Variants in PWP1 observed in about 807,000 individuals in gnomAD.
The protein encoded by PWP1 is PWP1 homolog, endonuclein, also known as periodic tryptophan protein 1 homolog.
Under a neutral mutation model 69.9 loss-of-function variants are expected in PWP1, and 47 were observed. That is an observed-to-expected ratio of 0.67 (90% CI 0.53 to 0.86). The LOEUF (loss-of-function observed/expected upper bound fraction) is 0.86, where lower values mean the gene tolerates loss of function less well. Ranked by LOEUF, PWP1 falls within the 40% of genes least tolerant of loss-of-function variation. The probability of loss-of-function intolerance (pLI) is 0.00; values close to 1 mark genes in which losing one functional copy is unlikely to be tolerated. For missense variants in PWP1, 551 were observed against 608.8 expected, an observed-to-expected ratio of 0.91 and a Z score of 1.00; for synonymous variants, 222 against 208.2, an observed-to-expected ratio of 1.07 and a Z score of -0.57.
intron 13 of PWP1, 138 bp from the exon 14 acceptor site, chr12:107,710,267 A>T: frequency 7.4e-7 from 1 of 1,358,836 alleles, no homozygotes; most frequent in Non-Finnish European, 9.7e-7. Context: ...CTACCTTTGC[A>T]GTAGGCTTGA....
rs143251342 is a variant in PWP1, at chr12:107,712,647, C to T, written c.*427C>T. 4.4e-4 allele frequency: 68 copies of T among 154,502 alleles called. No individual in the cohort carries two copies. The East Asian group carries it at 0.012, about 27-fold the overall frequency. 9.6% of individuals were successfully genotyped at this position (154,502 alleles called of 1,614,324 possible). A position where few individuals can be genotyped will look rare whatever the true frequency, so the allele number is the denominator to read the frequency against. On this transcript the variant is annotated 3_prime_UTR_variant, in exon 15 of 15. Coordinates refer to ENST00000412830, the MANE Select transcript of PWP1 (RefSeq NM_007062.3). ...TGAACAGAGGCAAGTGCCCCAGAGA[C>T]TCCACTTTCATTCCTAACTGTTCTC...
chr12:107,701,876 C>G (rs899935300), intron 8 of PWP1, among the ~76,000 whole-genome samples: 1 of 152,094 alleles, frequency 6.6e-6, no homozygotes, highest in Non-Finnish European at 1.5e-5. Flanking sequence ...CAGGGTTTCA[C>G]CATGTAGGCC....
intron 5 of PWP1, among the ~76,000 whole-genome samples, chr12:107,695,763 C>T (rs1039553549): frequency 1.3e-5 from 2 of 152,130 alleles, no homozygotes; most frequent in East Asian, 3.8e-4. Context: ...AATTATTTCT[C>T]TCCCATGCTA....
At chr12:107,693,956 T>G (rs1337759543) in intron 5 of PWP1, among the ~76,000 whole-genome samples, 4 of 152,238 alleles carry the variant, frequency 2.6e-5, no homozygotes, top group Non-Finnish European at 5.9e-5. Context: ...GTTTCTTTTT[T>G]GGAACCAAAA....
At chr12:107,711,223 C>T (rs548380081) in intron 14 of PWP1, among the ~76,000 whole-genome samples, 38 of 152,284 alleles carry the variant, frequency 2.5e-4, no homozygotes, top group African/African-American at 6.7e-4. Flanking sequence ...AGATCGAGAT[C>T]GCTCATGCTA....
intron 7 of PWP1, among the ~76,000 whole-genome samples, chr12:107,698,148 G>A (rs1359628241): frequency 1.3e-5 from 2 of 152,118 alleles, no homozygotes; most frequent in African/African-American, 4.8e-5. Context: ...GATCACCTGA[G>A]GTCAGGAGTT....
chr12:107,711,446 T>C (rs1299031213), intron 14 of PWP1, among the ~76,000 whole-genome samples: 1 of 152,180 alleles, frequency 6.6e-6, no homozygotes, highest in Non-Finnish European at 1.5e-5. Context: ...TGAAAGATCT[T>C]TGGGGAAAGC....
intron 11 of PWP1, among the ~76,000 whole-genome samples, chr12:107,706,077 A>G (rs995391931): frequency 2.0e-5 from 3 of 152,146 alleles, no homozygotes; most frequent in Admixed American, 2.0e-4. Flanking sequence ...CTGACTTTTT[A>G]ATGATCGCCA....
chr12:107,686,019 C>G (rs745952551), intron 1 of PWP1, 48 bp downstream of exon 1: 1 of 1,595,356 alleles, frequency 6.3e-7, no homozygotes, highest in Admixed American at 1.7e-5. Context: ...CTTTACGGCA[C>G]TGGGGGTCCG....
chr12:107,696,597 C>G lies in PWP1; in HGVS notation c.613+13C>G. ...GATGATTCTACTGGTAATTAGAAAA[C>G]TTAAGGTTGTTCAATGATTTCCAGT... On this transcript the variant is annotated intron_variant, in intron 6 of 14. Coordinates refer to ENST00000412830, the MANE Select transcript of PWP1 (RefSeq NM_007062.3). The G allele has an allele frequency of 1.2e-6, 2 of 1,613,392 alleles. No individual in the cohort carries two copies.
rs756379742 is a variant in PWP1, at chr12:107,709,187, C to A, written c.1245C>A (p.Ile415=). 5 of 1,613,792 alleles carry A rather than the reference C, an allele frequency of 3.1e-6. No homozygotes were observed. The African/African-American group carries it at 5.3e-5, about 17-fold the overall frequency. The change falls in exon 13 of 15, where the codon ATC becomes ATA. Residue 415 remains isoleucine, a synonymous_variant. Transcript: ENST00000412830. The stretch of plus-strand genomic sequence containing the variant: ...ACAAATACGTGAAGATCTGGGACAT[C>A]TTAGGAGATAGGCCAAGTCTAGTTC... The part of the protein sequence containing the change: ...SADKYVKIWD[I]LGDRPSLVHS...
Position 107,685,845 on chromosome 12 carries a change from G to T in PWP1, c.-55G>T. 1.9e-6 allele frequency: 3 copies of T among 1,588,598 alleles called. No individual in the cohort carries two copies. The highest frequency in any genetic ancestry group is 2.6e-6 in the Non-Finnish European group (3 of 1,157,858). ...GAGCGTGTGGCAGCAGTGCGGTCGT[G>T]GTCCCTCCCTATGCAGCCTGGTTTC... is the stretch of plus-strand genomic sequence containing the variant. On this transcript the variant is annotated 5_prime_UTR_variant, in exon 1 of 15. Coordinates refer to ENST00000412830, the MANE Select transcript of PWP1 (RefSeq NM_007062.3).
Position 107,699,223 on chromosome 12 carries a change from C to T in PWP1, c.745-150C>T, listed in dbSNP as rs924629795. The stretch of plus-strand genomic sequence containing the variant: ...GCAGTGAGCTGAGATCGTGCAACTG[C>T]ACTCTAGCCAGGGCAACAGACAAAG... On this transcript the variant is annotated intron_variant, in intron 7 of 14. Coordinates refer to ENST00000412830, the MANE Select transcript of PWP1 (RefSeq NM_007062.3). 6.8e-6 allele frequency: 4 copies of T among 592,368 alleles called. No homozygotes were observed. The East Asian group carries it at 9.2e-5, about 14-fold the overall frequency. The allele number at this position is 592,368 out of a possible 1,614,324, so 36.7% of individuals were successfully genotyped here.
At chr12:107,693,434 A>G (rs1354874582) in intron 5 of PWP1, among the ~76,000 whole-genome samples, 1 of 152,092 alleles carries the variant, frequency 6.6e-6, no homozygotes, top group African/African-American at 2.4e-5. Context: ...GGCCTCCCAA[A>G]GTGCTGGGTG....
chr12:107,702,990 T>C lies in PWP1; in HGVS notation c.862T>C (p.Leu288=). 1 of 1,612,328 alleles carries C rather than the reference T, an allele frequency of 6.2e-7. No individual in the cohort carries two copies. Among genetic ancestry groups the C allele is most frequent in the Non-Finnish European group, 8.5e-7 (1 of 1,178,354 alleles). ...DNTVILWDMS[L]GKPAASLAVH... is the part of the protein sequence containing the mutation. ...CACTGTAATTCTGTGGGATATGTCC[T>C]TGGGGAAACCAGCAGCTAGCCTCGC... Residue 288 remains leucine, a synonymous_variant, in exon 9 of 15, where the codon TTG becomes CTG. Coordinates refer to ENST00000412830, the MANE Select transcript of PWP1 (RefSeq NM_007062.3).
intron 1 of PWP1, among the ~76,000 whole-genome samples, chr12:107,688,117 G>A (rs1331164668): frequency 6.6e-6 from 1 of 151,332 alleles, no homozygotes; most frequent in African/African-American, 2.4e-5. Flanking sequence ...GGAAGAGAGG[G>A]AGAGGTGCCC....
chr12:107,693,051 G>T lies in PWP1; in HGVS notation c.457G>T (p.Val153Phe). Residue 153 changes from valine to phenylalanine, a missense_variant, in exon 5 of 15, where the codon GTT (valine) becomes TTT (phenylalanine). By Grantham distance (50) the Val-to-Phe change is conservative. Coordinates refer to ENST00000412830, the MANE Select transcript of PWP1 (RefSeq NM_007062.3). Reference sequence around the variant, plus strand: ...GATTAAGCCCAGTGATAATCTTATAGTTTGTGGCCGAGCTGAACAGGACCA... The same window carrying T: ...GATTAAGCCCAGTGATAATCTTATATTTTGTGGCCGAGCTGAACAGGACCA... ...FLIKPSDNLI[V>F]CGRAEQDQCN... 1 of 1,614,142 alleles carries T rather than the reference G, an allele frequency of 6.2e-7. No individual in the cohort carries two copies.
At chr12:107,711,155 C>T (rs1889944772) in intron 14 of PWP1, among the ~76,000 whole-genome samples, 2 of 152,116 alleles carry the variant, frequency 1.3e-5, no homozygotes, top group African/African-American at 4.8e-5. Context: ...AGGGATAGGC[C>T]GGATTAAAGG....
chr12:107,688,058 AAAG>A, intron 1 of PWP1, among the ~76,000 whole-genome samples: 1 of 149,816 alleles, frequency 6.7e-6, no homozygotes, highest in African/African-American at 2.5e-5. Flanking sequence ...AAAAAAAAAA[AAAG>A]AACAGAGGAC....
Sources: gnomAD v4.1 joint callset for allele counts (sites outside exome capture counted in the v4.1 genomes callset) on GRCh38, gnomAD v4.1.1 for gene constraint, MANE v1.5 for transcripts, NCBI Gene and HGNC (gene_info 2026-07-23, HGNC 2026-07-21) for gene names.